ZFYVE9: variants seen among roughly 807,000 people sequenced by gnomAD.
ZFYVE9 encodes the protein zinc finger FYVE domain-containing protein 9.
ZFYVE9 carries 43 observed loss-of-function variants against 126.7 expected under a neutral mutation model. The ratio of observed to expected loss-of-function variants is 0.34; its 90% CI spans 0.27 to 0.44. The LOEUF (loss-of-function observed/expected upper bound fraction) is 0.44. ZFYVE9 is among the 20% of genes least tolerant of loss of function. The pLI is 1.00. For missense variants in ZFYVE9, 1,476 were observed against 1,697.0 expected (o/e 0.87, Z 2.29); for synonymous variants, 521 against 597.4 (o/e 0.87, Z 1.87).
At chr1:52,209,275 G>A (rs1645006071) in intron 1 of ZFYVE9, among the ~76,000 whole-genome samples, 3 of 152,206 alleles carry the variant, frequency 2.0e-5, no homozygotes, top group Admixed American at 2.0e-4. Flanking sequence ...AATGGCAGGG[G>A]CAAAGTTTGG....
chr1:52,247,647 C>T (rs1645400574), intron 4 of ZFYVE9, among the ~76,000 whole-genome samples: 1 of 152,140 alleles, frequency 6.6e-6, no homozygotes, highest in African/African-American at 2.4e-5. Context: ...CAAGCACCCA[C>T]CACCATGCCT....
rs546914165 is a variant in ZFYVE9, at chr1:52,221,947, C to T, written c.-37+5473C>T. Among the ~76,000 whole-genome samples the T allele has an allele frequency of 5.9e-5, 9 of 152,264 alleles. No homozygotes were observed. In the East Asian group the frequency reaches 1.2e-3, roughly 20 times the overall value. ...TAATCCACAGATGACAATATCCAAC[C>T]AATCCTGAGAATTTCCTAAGTTCCT... On this transcript the variant is annotated intron_variant, in intron 2 of 18. Coordinates refer to ENST00000287727, the MANE Select transcript of ZFYVE9 (RefSeq NM_004799.4).
At chr1:52,237,417 T>C in intron 3 of ZFYVE9, 71 bp from the exon 4 acceptor site, 3 of 1,305,602 alleles carry the variant, frequency 2.3e-6, no homozygotes, top group Non-Finnish European at 3.1e-6. Context: ...TAGTTAGAAA[T>C]GTTATTAACT....
At chr1:52,337,643 A>C (rs981468956) in intron 15 of ZFYVE9, 129 bp from the exon 16 acceptor site, 18 of 1,010,510 alleles carry the variant, frequency 1.8e-5, no homozygotes, top group Non-Finnish European at 9.9e-6. Context: ...TTCAGCTCAA[A>C]GAGCAAAACC....
chr1:52,172,870 G>A (rs1220255424), intron 1 of ZFYVE9, among the ~76,000 whole-genome samples: 3 of 152,006 alleles, frequency 2.0e-5, no homozygotes, highest in East Asian at 1.9e-4. Flanking sequence ...AGACTTTGCC[G>A]AAGTTGCTTA....
At chr1:52,268,071 A>G (rs1413421458) in intron 6 of ZFYVE9, among the ~76,000 whole-genome samples, 1 of 152,226 alleles carries the variant, frequency 6.6e-6, no homozygotes, top group East Asian at 1.9e-4. Context: ...TGGAAACCTC[A>G]TAACTTTAGA....
At chr1:52,255,905 TTTC>T (rs1372197289) in intron 4 of ZFYVE9, among the ~76,000 whole-genome samples, 1 of 42,322 alleles carries the variant, frequency 2.4e-5, no homozygotes, top group Non-Finnish European at 4.5e-5. Flanking sequence ...GCTTTTTTCT[TTTC>T]TTTTCTTTTC....
intron 13 of ZFYVE9, among the ~76,000 whole-genome samples, chr1:52,325,204 G>A (rs1447965338): frequency 6.6e-6 from 1 of 151,964 alleles, no homozygotes; most frequent in Non-Finnish European, 1.5e-5. Context: ...GTGTGAACCC[G>A]GGAGGCAGAG....
chr1:52,158,419 G>C (rs960717163), intron 1 of ZFYVE9, among the ~76,000 whole-genome samples: 1 of 152,230 alleles, frequency 6.6e-6, no homozygotes, highest in Admixed American at 6.5e-5. Flanking sequence ...GCAGGTGACA[G>C]ACCTCTGAAG....
chr1:52,184,211 T>TTATA (rs1235083291), intron 1 of ZFYVE9, among the ~76,000 whole-genome samples: 16 of 143,350 alleles, frequency 1.1e-4, no homozygotes, highest in African/African-American at 3.7e-4. Flanking sequence ...ATATATATAT[T>TTATA]TATATATATA....
chr1:52,305,227 C>G (rs191653705), intron 13 of ZFYVE9, among the ~76,000 whole-genome samples: 66 of 152,212 alleles, frequency 4.3e-4, no homozygotes, highest in Middle Eastern at 3.4e-3. Flanking sequence ...GATCACCTGA[C>G]GTCAGGAGTT....
intron 4 of ZFYVE9, among the ~76,000 whole-genome samples, chr1:52,241,985 G>A (rs1016823789): frequency 6.6e-6 from 1 of 151,434 alleles, no homozygotes; most frequent in Admixed American, 6.6e-5. Flanking sequence ...GCTAGGTAAT[G>A]GGGATTCAGA....
chr1:52,235,308 A>G (rs754119046), intron 3 of ZFYVE9, among the ~76,000 whole-genome samples: 5 of 152,220 alleles, frequency 3.3e-5, no homozygotes, highest in African/African-American at 1.2e-4. Flanking sequence ...ATGAAAAAAT[A>G]TACCACAGAC....
intron 13 of ZFYVE9, among the ~76,000 whole-genome samples, chr1:52,316,186 AAAAAG>A (rs1557516501): frequency 2.7e-5 from 4 of 147,238 alleles, no homozygotes; most frequent in East Asian, 4.0e-4. Flanking sequence ...AAAAAAAAAA[AAAAAG>A]AAAAGAAACC....
rs762478632 is a variant in ZFYVE9 at position 52,237,873 on chromosome 1, C to A, written c.456C>A (p.Ala152=). 2 of 1,613,868 alleles carry A rather than the reference C, an allele frequency of 1.2e-6. 1 individual carries two copies. Among genetic ancestry groups the A allele is most frequent in the South Asian group, 2.2e-5 (2 of 91,056 alleles). Residue 152 remains alanine (A), a synonymous_variant, in exon 4 of 19, where the codon GCC becomes GCA. Coordinates refer to ENST00000287727, the MANE Select transcript of ZFYVE9 (RefSeq NM_004799.4). ...LPDEKNVLVV[A]VMHNCDKRTL... ...ATGAGAAGAATGTTCTTGTTGTAGC[C>A]GTCATGCATAACTGTGATAAAAGGA...
chr1:52,268,582 G>A lies in ZFYVE9; in HGVS notation c.2575G>A (p.Val859Met). 6.2e-7 allele frequency: 1 copy of A among 1,614,148 alleles called. No homozygotes were observed. The highest frequency in any genetic ancestry group is 1.1e-5 in the South Asian group (1 of 91,078). The change falls in exon 7 of 19, where the codon GTG becomes ATG. Residue 859 changes from valine (V) to methionine (M), a missense_variant. Val to Met is a conservative substitution (Grantham distance 21, BLOSUM62 1). Transcript: ENST00000287727. ...AACTTCCTCTGCAGGAACCCTGGCT[G>A]TGTCACACGACCCAGTCAAGCCAGT... ...NGTSSAGTLA[V>M]SHDPVKPVTT...
intron 12 of ZFYVE9, among the ~76,000 whole-genome samples, chr1:52,296,706 A>C (rs2147834149): frequency 6.6e-6 from 1 of 152,192 alleles, no homozygotes; most frequent in Non-Finnish European, 1.5e-5. Context: ...TGGTGAAATC[A>C]AGGTAATCAA....
chr1:52,305,466 C>T (rs540564817), intron 13 of ZFYVE9, among the ~76,000 whole-genome samples: 10 of 152,264 alleles, frequency 6.6e-5, no homozygotes, highest in South Asian at 4.1e-4. Context: ...TGCCTGCTTT[C>T]GGAGCGTTTG....
chr1:52,300,732 T>C, intron 12 of ZFYVE9, among the ~76,000 whole-genome samples: 1 of 151,462 alleles, frequency 6.6e-6, no homozygotes, highest in African/African-American at 2.4e-5. Context: ...TTTCTTACAG[T>C]GTAGGTTTGC....
Sources: gnomAD v4.1 joint callset for allele counts (sites outside exome capture counted in the v4.1 genomes callset) on GRCh38, gnomAD v4.1.1 for gene constraint, MANE v1.5 for transcripts, NCBI Gene and HGNC (gene_info 2026-07-23, HGNC 2026-07-21) for gene names.